The following CCDC25 variants were observed in gnomAD, a reference collection of about 807,000 sequenced individuals.
CCDC25 encodes coiled-coil domain containing 25.
A neutral mutation model predicts 35.3 loss-of-function variants in CCDC25; 16 were observed. The observed-to-expected ratio is 0.45, with a 90% CI of 0.31 to 0.69. The LOEUF (loss-of-function observed/expected upper bound fraction) is 0.69. Among genes scored for constraint, CCDC25 ranks in the 30% least tolerant of loss-of-function variants. The probability of loss-of-function intolerance (pLI) is 0.06; values close to 1 mark genes in which losing one functional copy is unlikely to be tolerated. For synonymous variants in CCDC25, 79 were observed against 80.3 expected, an observed-to-expected ratio of 0.98 and a Z score of 0.09; for missense variants, 179 against 250.7, an observed-to-expected ratio of 0.71 and a Z score of 1.93.
rs138949779 is a variant in CCDC25 at position 27,743,349 on chromosome 8, C to T, written c.552-2832G>A. On this transcript the variant is annotated intron_variant, in intron 7 of 8. Coordinates refer to ENST00000356537, the MANE Select transcript of CCDC25 (RefSeq NM_018246.3). ...CAACACACAAGCTTCATTGTATCAA[C>T]CCTTGCTTAAAGCCTTTTGATGGCT... Among the ~76,000 whole-genome samples the T allele has an allele frequency of 1.3e-4, 20 of 152,330 alleles. No homozygotes were observed. In the East Asian group the frequency reaches 3.5e-3, roughly 26 times the overall value.
intron 1 of CCDC25, among the ~76,000 whole-genome samples, chr8:27,770,767 C>CA (rs1334015792): frequency 6.7e-6 from 1 of 149,450 alleles, no homozygotes; most frequent in Non-Finnish European, 1.5e-5. Context: ...AAAACAAAAA[C>CA]AAAAAACTCA....
chr8:27,751,378 A>G (rs979533184), intron 5 of CCDC25, among the ~76,000 whole-genome samples: 2 of 152,226 alleles, frequency 1.3e-5, no homozygotes, highest in African/African-American at 2.4e-5. Flanking sequence ...ATGTATTACA[A>G]TTTGTTAACT....
At chr8:27,768,564 C>CA (rs368194540) in intron 1 of CCDC25, among the ~76,000 whole-genome samples, 54,205 of 106,038 alleles carry the variant, frequency 0.51, 11,862 homozygotes, top group East Asian at 0.66. Flanking sequence ...GACTCCATCT[C>CA]AAAAAAAAAA....
At chr8:27,743,102 A>G (rs1803494759) in intron 7 of CCDC25, among the ~76,000 whole-genome samples, 1 of 152,060 alleles carries the variant, frequency 6.6e-6, no homozygotes, top group African/African-American at 2.4e-5. Flanking sequence ...TCCATTTCCA[A>G]CTAGCAACCT....
At chr8:27,772,454 G>C (rs1804662817) in intron 1 of CCDC25, 59 bp downstream of exon 1, 1 of 1,522,884 alleles carries the variant, frequency 6.6e-7, no homozygotes. Context: ...GCGGACTGCG[G>C]GTCCCGGCTT....
chr8:27,756,746 C>T lies in CCDC25; in HGVS notation c.141G>A (p.Ser47=), dbSNP rs367645106. 32 of 1,613,078 alleles carry T rather than the reference C, an allele frequency of 2.0e-5. No homozygotes were observed. Among genetic ancestry groups the T allele is most frequent in the Non-Finnish European group, 2.5e-5 (29 of 1,179,198 alleles). Residue 47 remains serine, a synonymous_variant, in exon 4 of 9, where the codon TCG becomes TCA. Transcript: ENST00000356537. ...DIWFHVDKLS[S]AHVYLRLHKG... ...TATGTAATCGAAGGTATACATGAGC[C>T]GAAGAGAGTTTGTCCACATGAAACC...
rs1491226982 is a variant in CCDC25 at position 27,737,885 on chromosome 8, C to CACACAT, written c.598-1641_598-1640insATGTGT. Among the ~76,000 whole-genome samples, 1 of 47,700 alleles carries CACACAT rather than the reference C, an allele frequency of 2.1e-5. No individual in the cohort carries two copies. Among genetic ancestry groups the CACACAT allele is most frequent in the Non-Finnish European group, 5.7e-5 (1 of 17,598 alleles). The allele number at this position is 47,700 out of a possible 152,430, so 31.3% of individuals were successfully genotyped here. ...ACTGTGGTGTGTGTATACACACACT[C>CACACAT]ACACACACACACACACACACACACA... On this transcript the variant is annotated intron_variant, in intron 8 of 8. Coordinates refer to ENST00000356537, the MANE Select transcript of CCDC25 (RefSeq NM_018246.3). The surrounding 1 kb of genome is among the most constrained non-coding windows in gnomAD (Gnocchi z 4.6).
Position 27,736,139 on chromosome 8 carries a change from A to T in CCDC25, c.*77T>A, listed in dbSNP as rs540646107. 1.4e-6 allele frequency: 2 copies of T among 1,394,022 alleles called. No individual in the cohort carries two copies. The highest frequency in any genetic ancestry group is 1.5e-5 in the African/African-American group (1 of 68,876). The allele number at this position is 1,394,022 out of a possible 1,614,324, so 86.4% of individuals were successfully genotyped here. On this transcript the variant is annotated 3_prime_UTR_variant, in exon 9 of 9. Transcript: ENST00000356537. ...ATTTTGGTTGTATTTTATATTTCAGAACACAGATGAAACCAAAAGGTCTGC... is the reference window on the plus strand; with the variant it reads ...ATTTTGGTTGTATTTTATATTTCAGTACACAGATGAAACCAAAAGGTCTGC...
chr8:27,750,335 A>G (rs1361745691), intron 5 of CCDC25, among the ~76,000 whole-genome samples: 1 of 152,234 alleles, frequency 6.6e-6, no homozygotes, highest in Non-Finnish European at 1.5e-5. Flanking sequence ...AAGACCTTGA[A>G]CAAGTTCCTT....
In CCDC25 at chr8:27,735,396, C is replaced by T. The variant is rs926914836; in HGVS notation, c.*820G>A. 6.6e-6 allele frequency: 1 copy of T among 152,228 alleles called. No individual in the cohort carries two copies. The highest frequency in any genetic ancestry group is 6.5e-5 in the Admixed American group (1 of 15,274). 9.4% of individuals were successfully genotyped at this position (152,228 alleles called of 1,614,324 possible). A position where few individuals can be genotyped will look rare whatever the true frequency, so the allele number is the denominator to read the frequency against. On this transcript the variant is annotated 3_prime_UTR_variant, in exon 9 of 9. Coordinates refer to ENST00000356537, the MANE Select transcript of CCDC25 (RefSeq NM_018246.3). ...CAATATGGACTTCTGCTTCACGCTG[C>T]ATCCTAAGGCACAAATCAGGTAACC...
intron 7 of CCDC25, 104 bp downstream of exon 7, chr8:27,747,971 CAT>C: frequency 9.1e-7 from 1 of 1,095,282 alleles, no homozygotes; most frequent in Non-Finnish European, 1.3e-6. Flanking sequence ...GAGCTTGTTA[CAT>C]GTCCCTCCTT....
At chr8:27,765,889 G>A (rs1804384362) in intron 1 of CCDC25, among the ~76,000 whole-genome samples, 1 of 152,082 alleles carries the variant, frequency 6.6e-6, no homozygotes, top group African/African-American at 2.4e-5. Flanking sequence ...ATCTCTGGTG[G>A]GCAAGAGTGA....
At chr8:27,738,353 A>AG (rs1803317033) in intron 8 of CCDC25, among the ~76,000 whole-genome samples, 2 of 152,198 alleles carry the variant, frequency 1.3e-5, no homozygotes, top group African/African-American at 4.8e-5. Context: ...TAAAGTATGG[A>AG]GAAAAACTAG....
intron 2 of CCDC25, among the ~76,000 whole-genome samples, chr8:27,762,913 A>C (rs571535009): frequency 6.6e-6 from 1 of 152,206 alleles, no homozygotes; most frequent in African/African-American, 2.4e-5. Context: ...GTATAAAAAG[A>C]AAATAAAAAT....
chr8:27,757,113 C>T (rs1804035684), intron 3 of CCDC25, among the ~76,000 whole-genome samples: 1 of 152,144 alleles, frequency 6.6e-6, no homozygotes, highest in Non-Finnish European at 1.5e-5. Context: ...TGGTTGGCCC[C>T]TGACTGAAGC....
At chr8:27,736,812 C>A (rs1803246380) in intron 8 of CCDC25, among the ~76,000 whole-genome samples, 1 of 152,134 alleles carries the variant, frequency 6.6e-6, no homozygotes, top group African/African-American at 2.4e-5. Context: ...AAAAAACCTG[C>A]ATAATGGTAT....
At chr8:27,757,501 A>G (rs2128943220) in intron 3 of CCDC25, among the ~76,000 whole-genome samples, 1 of 152,238 alleles carries the variant, frequency 6.6e-6, no homozygotes, top group South Asian at 2.1e-4. Context: ...ATTGTCCTAA[A>G]AACATTCAGA....
At chr8:27,753,191 T>C (rs1178233298) in intron 4 of CCDC25, among the ~76,000 whole-genome samples, 1 of 152,142 alleles carries the variant, frequency 6.6e-6, no homozygotes, top group African/African-American at 2.4e-5. Context: ...TGATGCCCCT[T>C]TTACAGATGC....
chr8:27,766,296 G>T (rs1230698558), intron 1 of CCDC25, among the ~76,000 whole-genome samples: 1 of 152,142 alleles, frequency 6.6e-6, no homozygotes, highest in Admixed American at 6.6e-5. Flanking sequence ...CATGTACCTG[G>T]AGCCCTGAAG....
Sources: allele counts gnomAD v4.1 joint callset (sites outside exome capture counted in the v4.1 genomes callset), GRCh38; gene constraint gnomAD v4.1.1; non-coding constraint Gnocchi (gnomAD v3.1); transcripts MANE v1.5; gene names NCBI Gene and HGNC (gene_info 2026-07-23, HGNC 2026-07-21).